LSAMP: variants seen among roughly 807,000 people sequenced by gnomAD.
LSAMP encodes limbic system associated membrane protein, also known as limbic system-associated membrane protein.
A neutral mutation model predicts 38.6 loss-of-function variants in LSAMP; 7 were observed. The observed-to-expected ratio is 0.18, with a 90% CI of 0.10 to 0.34. The LOEUF (loss-of-function observed/expected upper bound fraction) is 0.34, where lower values mean the gene tolerates loss of function less well. Among genes scored for constraint, LSAMP ranks in the 10% least tolerant of loss-of-function variants. The pLI is 1.00. For missense variants in LSAMP, 313 were observed against 420.0 expected (o/e 0.75, Z 2.23); for synonymous variants, 154 against 166.8 (o/e 0.92, Z 0.59).
In LSAMP at chr3:115,852,476, T is replaced by A; in HGVS notation, c.649+7A>T. 1 of 1,608,424 alleles carries A rather than the reference T, an allele frequency of 6.2e-7. No homozygotes were observed. Among genetic ancestry groups the A allele is most frequent in the Non-Finnish European group, 8.5e-7 (1 of 1,177,604 alleles). On this transcript the variant is annotated splice_region_variant and intron_variant, in intron 4 of 6. Coordinates refer to ENST00000490035, the MANE Select transcript of LSAMP (RefSeq NM_002338.5). Reference sequence around the variant, plus strand: ...ACCTAGCACCTGCTGGCTCCTGCCGTACTCACAGTTCACAGTGACCTTGAC... The same window carrying A: ...ACCTAGCACCTGCTGGCTCCTGCCGAACTCACAGTTCACAGTGACCTTGAC...
intron 1 of LSAMP, among the ~76,000 whole-genome samples, chr3:116,132,888 C>G (rs1447106244): frequency 2.0e-5 from 3 of 152,174 alleles, no homozygotes; most frequent in Non-Finnish European, 4.4e-5. Context: ...CTCTGTCTCC[C>G]TATCAATCTA....
intron 3 of LSAMP, among the ~76,000 whole-genome samples, chr3:116,008,035 C>A (rs569429464): frequency 6.6e-6 from 1 of 152,148 alleles, no homozygotes; most frequent in African/African-American, 2.4e-5. Context: ...TATTAGCAAG[C>A]GGAGTGCTTT....
Position 116,086,420 on chromosome 3 carries a change from T to C in LSAMP, c.292A>G (p.Ile98Val). 6.2e-7 allele frequency: 1 copy of C among 1,614,070 alleles called. No homozygotes were observed. The highest frequency in any genetic ancestry group is 1.3e-5 in the African/African-American group (1 of 75,018). ...KRHSLEYSLR[I>V]QKVDVYDEGS... Reference sequence around the variant, plus strand: ...TCATCATAGACATCCACCTTCTGGATTCGGAGGCTGTATTCCAGAGAATGG... The same window carrying C: ...TCATCATAGACATCCACCTTCTGGACTCGGAGGCTGTATTCCAGAGAATGG... Residue 98 changes from isoleucine to valine, a missense_variant, in exon 2 of 7, where the codon ATC becomes GTC. Transcript: ENST00000490035.
chr3:116,410,795 C>G (rs990504256), intron 1 of LSAMP, among the ~76,000 whole-genome samples: 2 of 152,060 alleles, frequency 1.3e-5, no homozygotes, highest in Admixed American at 1.3e-4. Flanking sequence ...TTTCAGCTGT[C>G]CTTTCTCTGG....
rs1577026546 is a variant in LSAMP at position 115,810,114 on chromosome 3, T to C, written c.*203A>G. 1 of 539,994 alleles carries C rather than the reference T, an allele frequency of 1.9e-6. No homozygotes were observed. Among genetic ancestry groups the C allele is most frequent in the East Asian group, 3.2e-5 (1 of 31,618 alleles). 33.5% of individuals were successfully genotyped at this position (539,994 alleles called of 1,614,324 possible). A position where few individuals can be genotyped will look rare whatever the true frequency, so the allele number is the denominator to read the frequency against. Reference sequence around the variant, plus strand: ...CCATCCTGAATGATACATAAATTTTTAATGATGGACTGTAAAATTGTTTTA... The same window carrying C: ...CCATCCTGAATGATACATAAATTTTCAATGATGGACTGTAAAATTGTTTTA... On this transcript the variant is annotated 3_prime_UTR_variant, in exon 7 of 7. Transcript: ENST00000490035.
At chr3:115,929,141 T>C (rs1937539607) in intron 3 of LSAMP, among the ~76,000 whole-genome samples, 1 of 151,518 alleles carries the variant, frequency 6.6e-6, no homozygotes, top group African/African-American at 2.4e-5. Flanking sequence ...GTGCATCAAA[T>C]GAGGAAAATA....
At chr3:115,905,407 T>A (rs1291119570) in intron 3 of LSAMP, among the ~76,000 whole-genome samples, 1 of 151,968 alleles carries the variant, frequency 6.6e-6, no homozygotes, top group Non-Finnish European at 1.5e-5. Flanking sequence ...AAAATCAATG[T>A]TTTACCTTCC....
chr3:116,121,787 A>T (rs1007395081), intron 1 of LSAMP, among the ~76,000 whole-genome samples: 1 of 152,118 alleles, frequency 6.6e-6, no homozygotes, highest in Non-Finnish European at 1.5e-5. Flanking sequence ...AGCTTGTCCA[A>T]CCCGCACCCT....
intron 2 of LSAMP, among the ~76,000 whole-genome samples, chr3:116,052,247 A>T (rs1178978835): frequency 1.3e-5 from 2 of 152,160 alleles, no homozygotes; most frequent in Non-Finnish European, 2.9e-5. Context: ...GGAGGACAGA[A>T]GTAGAAGTGG....
chr3:116,030,926 T>C lies in LSAMP; in HGVS notation c.389-11286A>G, dbSNP rs114068717. ...GCCAGTAGGATTTAGCCCTAAAACA[T>C]GACATATCCTTAAAAACTTCAAAAC... On this transcript the variant is annotated intron_variant, in intron 2 of 6. Coordinates refer to ENST00000490035, the MANE Select transcript of LSAMP (RefSeq NM_002338.5). 5.6e-3 allele frequency among the ~76,000 whole-genome samples: 853 copies of C among 152,222 alleles called. 9 individuals carry two copies. Among genetic ancestry groups the C allele is most frequent in the African/African-American group, 0.02 (825 of 41,542 alleles).
chr3:116,199,288 T>G (rs2045956336), intron 1 of LSAMP, among the ~76,000 whole-genome samples: 2 of 152,166 alleles, frequency 1.3e-5, no homozygotes. Context: ...CTTAAAACTT[T>G]AAAACTCAGT....
chr3:116,144,500 G>C (rs1349917876), intron 1 of LSAMP, among the ~76,000 whole-genome samples: 1 of 151,642 alleles, frequency 6.6e-6, no homozygotes, highest in Non-Finnish European at 1.5e-5. Flanking sequence ...TCCAGCCTGG[G>C]TGACAGAGTA....
intron 1 of LSAMP, among the ~76,000 whole-genome samples, chr3:116,300,838 A>G (rs918474903): frequency 2.6e-5 from 4 of 152,158 alleles, no homozygotes; most frequent in Admixed American, 2.0e-4. Flanking sequence ...ATCTCATCAC[A>G]TAAGTCGGCA....
chr3:116,380,132 CA>C (rs1245345813), intron 1 of LSAMP, among the ~76,000 whole-genome samples: 1 of 151,782 alleles, frequency 6.6e-6, no homozygotes, highest in Non-Finnish European at 1.5e-5. Flanking sequence ...CTCACTGATT[CA>C]TGGTTTTCCC....
chr3:116,395,010 T>C (rs72950202), intron 1 of LSAMP, among the ~76,000 whole-genome samples: 21,395 of 152,178 alleles, frequency 0.14, 2,500 homozygotes, highest in African/African-American at 0.32. Flanking sequence ...CTCTGTGTTT[T>C]GCTCTCATTT....
chr3:116,320,197 G>A (rs777323826), intron 1 of LSAMP, among the ~76,000 whole-genome samples: 38 of 152,192 alleles, frequency 2.5e-4, no homozygotes, highest in Non-Finnish European at 4.9e-4. Context: ...GGTGGATCAC[G>A]AGGTCAGGAG....
In LSAMP at chr3:116,060,931, A is replaced by G. The variant is rs142348782; in HGVS notation, c.388+25393T>C. On this transcript the variant is annotated intron_variant, in intron 2 of 6. Transcript: ENST00000490035. Reference sequence around the variant, plus strand: ...AATAAATAAAATAAAATAAAATAAAATAAATATAAATAAATAAAATTAATT... The same window carrying G: ...AATAAATAAAATAAAATAAAATAAAGTAAATATAAATAAATAAAATTAATT... 1.8e-3 allele frequency among the ~76,000 whole-genome samples: 280 copies of G among 151,678 alleles called. 1 individual carries two copies. Among genetic ancestry groups the G allele is most frequent in the African/African-American group, 6.5e-3 (269 of 41,428 alleles).
chr3:116,044,296 C>A (rs1314845601), intron 2 of LSAMP, among the ~76,000 whole-genome samples: 1 of 152,184 alleles, frequency 6.6e-6, no homozygotes. Context: ...GATTTCACCT[C>A]GCCTTATTAA....
At chr3:116,310,423 C>T (rs2047541654) in intron 1 of LSAMP, among the ~76,000 whole-genome samples, 1 of 152,132 alleles carries the variant, frequency 6.6e-6, no homozygotes, top group African/African-American at 2.4e-5. Context: ...CTTGGCTTCT[C>T]AATTTGGTGT....
Sources: allele counts gnomAD v4.1 joint callset (sites outside exome capture counted in the v4.1 genomes callset), GRCh38; gene constraint gnomAD v4.1.1; transcripts MANE v1.5; gene names NCBI Gene and HGNC (gene_info 2026-07-23, HGNC 2026-07-21).